PHKA1: variants seen among roughly 807,000 people sequenced by gnomAD.
PHKA1 encodes the protein phosphorylase kinase regulatory subunit alpha 1, also known as phosphorylase b kinase regulatory subunit alpha, skeletal muscle isoform.
In PHKA1, 60 loss-of-function variants were observed where a neutral mutation model predicts 110.2. The ratio of observed to expected loss-of-function variants is 0.54; its 90% CI spans 0.44 to 0.68. The LOEUF is 0.68. PHKA1 is among the 30% of genes least tolerant of loss of function. The pLI is 0.00. For missense variants in PHKA1, 801 were observed against 942.5 expected (o/e 0.85, Z 1.97); for synonymous variants, 316 against 333.6 (o/e 0.95, Z 0.58).
intron 28 of PHKA1, 74 bp downstream of exon 28, chrX:72,601,903 CTTATTTGTAAAAAG>C: frequency 1.5e-6 from 1 of 665,271 alleles, no homozygotes; most frequent in South Asian, 2.3e-5. Context: ...GACTTGTTAT[CTTATTTGTAAAAAG>C]GCCATGAGCT....
chrX:72,684,766 C>G (rs2053949685), intron 4 of PHKA1, among the ~76,000 whole-genome samples, 186 bp from the exon 5 acceptor site: 2 of 111,548 alleles, frequency 1.8e-5, no homozygotes, highest in South Asian at 7.5e-4. Flanking sequence ...TAGTCTCCAA[C>G]TAAGCGAGAT....
At chrX:72,657,504 G>A (rs1556301946) in intron 9 of PHKA1, 84 bp downstream of exon 9, 3 of 655,947 alleles carry the variant, frequency 4.6e-6, no homozygotes, top group Non-Finnish European at 7.6e-6. Flanking sequence ...AGTACCATCA[G>A]TGAGGTAAAT....
chrX:72,606,045 T>C (rs2052723213), intron 23 of PHKA1, among the ~76,000 whole-genome samples: 1 of 112,191 alleles, frequency 8.9e-6, no homozygotes, highest in African/African-American at 3.2e-5. Context: ...GTTACATACA[T>C]AGGATGTGTA....
chrX:72,620,884 C>T lies in PHKA1; in HGVS notation c.1978G>A (p.Val660Ile). The T allele has an allele frequency of 1.7e-6, 2 of 1,210,784 alleles. No individual in the cohort carries two copies. The highest frequency in any genetic ancestry group is 2.2e-6 in the Non-Finnish European group (2 of 895,258). Residue 660 changes from valine to isoleucine, a missense_variant, in exon 19 of 32, where the codon GTT becomes ATT. By Grantham distance (29) the Val-to-Ile change is conservative. Transcript: ENST00000373542. ...STSHARCGDEVARYLDHLLAH... is the reference protein window; with the variant it reads ...STSHARCGDEIARYLDHLLAH... The stretch of plus-strand genomic sequence containing the variant: ...AAAAGGTGATCTAAATAACGAGCAA[C>T]TTCATCACCACAGCGAGCTGCAAGG...
intron 6 of PHKA1, among the ~76,000 whole-genome samples, chrX:72,668,447 C>T (rs2053639628): frequency 1.8e-5 from 2 of 112,126 alleles, no homozygotes; most frequent in Non-Finnish European, 3.8e-5. Context: ...TTCCTTAATG[C>T]AAACAATGTA....
chrX:72,653,631 T>A, intron 10 of PHKA1, 101 bp from the exon 11 acceptor site: 1 of 539,950 alleles, frequency 1.9e-6, no homozygotes, highest in African/African-American at 2.3e-5. Context: ...CAAAGGAGCT[T>A]ATTCACCCAG....
chrX:72,680,229 G>T (rs112243559), intron 5 of PHKA1, among the ~76,000 whole-genome samples: 3 of 111,436 alleles, frequency 2.7e-5, no homozygotes. Flanking sequence ...GGTCAGGCTG[G>T]TCTCAAACTC....
intron 8 of PHKA1, among the ~76,000 whole-genome samples, chrX:72,662,754 A>T (rs1343553578): frequency 6.3e-5 from 7 of 111,838 alleles, no homozygotes; most frequent in Non-Finnish European, 9.4e-5. Flanking sequence ...CAACTCCTGC[A>T]GCCTAGGCCA....
chrX:72,623,082 G>A (rs189090918), intron 18 of PHKA1, 27 bp downstream of exon 18: 3 of 1,208,325 alleles, frequency 2.5e-6, no homozygotes, highest in Admixed American at 4.4e-5. Context: ...TGTCCAGCCA[G>A]GCCAGTGCTT....
Position 72,583,916 on chromosome X carries a change from A to G in PHKA1, c.3297+333T>C, listed in dbSNP as rs1556207118. Among the ~76,000 whole-genome samples the G allele has an allele frequency of 2.7e-5, 3 of 112,243 alleles. No homozygotes were observed. In the East Asian group the frequency reaches 8.4e-4, roughly 31 times the overall value. On this transcript the variant is annotated intron_variant, in intron 30 of 31. Coordinates refer to ENST00000373542, the MANE Select transcript of PHKA1 (RefSeq NM_002637.4). ...TGTTCTAATGGTCTACAAACATCCT[A>G]CTAGAGAAAGGTAGGAATGTGAAGG... is the stretch of plus-strand genomic sequence containing the variant.
intron 17 of PHKA1, among the ~76,000 whole-genome samples, chrX:72,625,773 CTCA>C (rs2053053803): frequency 9.0e-6 from 1 of 111,431 alleles, no homozygotes; most frequent in South Asian, 3.8e-4. Context: ...TCAAGAGATT[CTCA>C]TGTCTCAGCC....
intron 4 of PHKA1, among the ~76,000 whole-genome samples, chrX:72,692,722 T>A (rs1432486076): frequency 4.5e-5 from 5 of 111,699 alleles, no homozygotes; most frequent in Non-Finnish European, 7.5e-5. Flanking sequence ...CCTCTCTTTT[T>A]CTCTTGGTCA....
At chrX:72,652,955 T>C (rs782469974) in intron 11 of PHKA1, among the ~76,000 whole-genome samples, 1 of 111,403 alleles carries the variant, frequency 9.0e-6, no homozygotes, top group South Asian at 3.9e-4. Flanking sequence ...TTCTACTCAT[T>C]CTCACCGGAA....
intron 29 of PHKA1, among the ~76,000 whole-genome samples, chrX:72,588,433 T>C (rs2052466683): frequency 8.9e-6 from 1 of 111,849 alleles, no homozygotes; most frequent in Admixed American, 9.5e-5. Context: ...AAGCAGTGTG[T>C]AGAGGGAAAT....
At chrX:72,638,235 G>A (rs887482381) in intron 14 of PHKA1, among the ~76,000 whole-genome samples, 5 of 107,793 alleles carry the variant, frequency 4.6e-5, no homozygotes, top group Non-Finnish European at 9.6e-5. Context: ...TCTTTTTCTT[G>A]TCTAACTGCT....
chrX:72,587,073 TAA>T (rs1370604331), intron 29 of PHKA1, among the ~76,000 whole-genome samples: 1 of 109,381 alleles, frequency 9.1e-6, no homozygotes, highest in East Asian at 2.9e-4. Flanking sequence ...ATTCAGGAAA[TAA>T]AGAGAACAAC....
intron 8 of PHKA1, among the ~76,000 whole-genome samples, chrX:72,658,435 G>A (rs1399654398): frequency 9.5e-6 from 1 of 105,294 alleles, no homozygotes; most frequent in East Asian, 3.1e-4. Flanking sequence ...CTCCAGCCTG[G>A]GTGACAAAGT....
intron 4 of PHKA1, among the ~76,000 whole-genome samples, chrX:72,690,250 T>C (rs1556320500): frequency 9.0e-6 from 1 of 111,427 alleles, no homozygotes; most frequent in Admixed American, 9.6e-5. Flanking sequence ...CTTATGCTTT[T>C]CGTGCCATAT....
At chrX:72,668,874 T>C (rs1452787537) in intron 6 of PHKA1, among the ~76,000 whole-genome samples, 1 of 111,776 alleles carries the variant, frequency 8.9e-6, no homozygotes, top group Non-Finnish European at 1.9e-5. Flanking sequence ...TCAAAACAAG[T>C]TATCAACTTT....
Sources: gnomAD v4.1 joint callset for allele counts (sites outside exome capture counted in the v4.1 genomes callset) on GRCh38, gnomAD v4.1.1 for gene constraint, MANE v1.5 for transcripts, NCBI Gene and HGNC (gene_info 2026-07-23, HGNC 2026-07-21) for gene names.